PDE10A: variants seen among roughly 807,000 people sequenced by gnomAD.
PDE10A encodes phosphodiesterase 10A, also known as cAMP and cAMP-inhibited cGMP 3',5'-cyclic phosphodiesterase 10A.
PDE10A carries 39 observed loss-of-function variants against 97.7 expected under a neutral mutation model. The observed-to-expected ratio is 0.40, with a 90% CI of 0.31 to 0.52. The LOEUF is 0.52. Ranked by LOEUF, PDE10A falls within the 20% of genes least tolerant of loss-of-function variation. The pLI is 0.56. For synonymous variants in PDE10A, 371 were observed against 376.8 expected, an observed-to-expected ratio of 0.98 and a Z score of 0.18; for missense variants, 731 against 1,047.8, an observed-to-expected ratio of 0.70 and a Z score of 4.17.
At chr6:165,900,720 C>T (rs756005149) in intron 1 of PDE10A, among the ~76,000 whole-genome samples, 11 of 152,178 alleles carry the variant, frequency 7.2e-5, no homozygotes, top group African/African-American at 2.2e-4. Flanking sequence ...AAATCAGAGA[C>T]AAAGTTTACT....
chr6:165,738,328 C>A (rs867336309), intron 1 of PDE10A, among the ~76,000 whole-genome samples: 5 of 151,918 alleles, frequency 3.3e-5, no homozygotes, highest in Non-Finnish European at 7.4e-5. Flanking sequence ...CACGTCCCTA[C>A]AAAGGACATG....
intron 1 of PDE10A, among the ~76,000 whole-genome samples, chr6:165,878,193 C>G (rs922277421): frequency 1.3e-5 from 2 of 152,166 alleles, no homozygotes; most frequent in African/African-American, 4.8e-5. Context: ...GATTGGAAAC[C>G]AAACCATAGA....
At position 165,435,361 on chromosome 6, in the gene PDE10A, G is replaced by C; in HGVS notation, c.1211C>G (p.Thr404Arg). Residue 404 changes from threonine to arginine, a missense_variant, in exon 6 of 22, where the codon ACG (threonine) becomes AGG (arginine). Thr to Arg is a moderately conservative substitution (Grantham distance 71, BLOSUM62 -1). Around this residue, in one of 8 missense-constraint regions of PDE10A, gnomAD observed 152 missense variants for 199.3 expected, o/e 0.76. Coordinates refer to ENST00000539869, the MANE Select transcript of PDE10A (RefSeq NM_001385079.1). ...GECNNSLCIFTPPGIKEGKPR... is the reference protein window; with the variant it reads ...GECNNSLCIFRPPGIKEGKPR... ...TTTTCCTTCCTTTATCCCAGGTGGC[G>C]TGAATATACACAGGCTCTAGGGAGA... The C allele has an allele frequency of 6.2e-7, 1 of 1,613,946 alleles. No individual in the cohort carries two copies. Among genetic ancestry groups the C allele is most frequent in the Admixed American group, 1.7e-5 (1 of 59,994 alleles).
intron 2 of PDE10A, among the ~76,000 whole-genome samples, chr6:165,537,441 A>G (rs1783157132): frequency 6.6e-6 from 1 of 152,050 alleles, no homozygotes; most frequent in Admixed American, 6.6e-5. Flanking sequence ...GAAATGATAA[A>G]TGTTCGCAGT....
Position 165,758,531 on chromosome 6 carries a change from GAGGAAGAGGAAGAGGAAGAA to G in PDE10A, c.-614-214983_-614-214964del, listed in dbSNP as rs1403002184. 2.8e-4 allele frequency among the ~76,000 whole-genome samples: 42 copies of G among 150,012 alleles called. 2 individuals carry two copies. The South Asian group carries it at 7.0e-3, about 25-fold the overall frequency. ...GAAGAAAGAAGAAGAAGAAGAAGAAGAGGAAGAGGAAGAGGAAGAAGAAGAGGAAGAGGAAGAAGAAGAGG... is the reference window on the plus strand; with the variant it reads ...GAAGAAAGAAGAAGAAGAAGAAGAAGGAAGAGGAAGAGGAAGAAGAAGAGG... On this transcript the variant is annotated intron_variant, in intron 1 of 19. Coordinates refer to the PDE10A transcript ENST00000366882.
At chr6:165,938,194 C>T (rs1466619516) in intron 1 of PDE10A, among the ~76,000 whole-genome samples, 1 of 152,222 alleles carries the variant, frequency 6.6e-6, no homozygotes, top group Admixed American at 6.5e-5. Flanking sequence ...CAAGGTAAAA[C>T]AACCTTGTGA....
At chr6:165,941,443 C>CT (rs1460590163) in intron 1 of PDE10A, among the ~76,000 whole-genome samples, 1 of 152,142 alleles carries the variant, frequency 6.6e-6, no homozygotes, top group Admixed American at 6.5e-5. Context: ...GCCTCTTGGC[C>CT]TTCCCACAGA....
intron 1 of PDE10A, among the ~76,000 whole-genome samples, chr6:165,620,544 A>G (rs1788076664): frequency 6.6e-6 from 1 of 151,998 alleles, no homozygotes; most frequent in South Asian, 2.1e-4. Context: ...GAGCCACTGA[A>G]GGCTAAGGGA....
At chr6:165,698,777 G>T (rs1416674546) in intron 1 of PDE10A, among the ~76,000 whole-genome samples, 1 of 152,128 alleles carries the variant, frequency 6.6e-6, no homozygotes, top group East Asian at 1.9e-4. Flanking sequence ...GGAGGTGGAG[G>T]TTGCAGTGAG....
chr6:165,926,788 T>C (rs1782947581), intron 1 of PDE10A, among the ~76,000 whole-genome samples: 1 of 152,250 alleles, frequency 6.6e-6, no homozygotes, highest in Non-Finnish European at 1.5e-5. Context: ...GCCTCAGAGC[T>C]ACTGAAGGTA....
rs77308451 is a variant in PDE10A at position 165,783,539 on chromosome 6, G to C, written c.-615+203990C>G. ...TGATGATTCTGTTTTTATTAAAGTA[G>C]TGGTGGACATTGTTCACAGAAGAGA... On this transcript the variant is annotated intron_variant, in intron 1 of 19. Transcript: ENST00000366882. Among the ~76,000 whole-genome samples, 74 of 152,186 alleles carry C rather than the reference G, an allele frequency of 4.9e-4. 1 individual carries two copies. In the East Asian group the frequency reaches 0.012, roughly 25 times the overall value.
rs574609770 is a variant in PDE10A at position 165,862,383 on chromosome 6, G to A, written c.-615+125146C>T. The stretch of plus-strand genomic sequence containing the variant: ...TAGGATGCTTTGCAAACTTAGTGTG[G>A]ACAATTCTTATGTGAAATGCAGCAC... On this transcript the variant is annotated intron_variant, in intron 1 of 19. Transcript: ENST00000366882. Among the ~76,000 whole-genome samples the A allele has an allele frequency of 1.9e-3, 293 of 152,272 alleles. 1 individual carries two copies. Among genetic ancestry groups the A allele is most frequent in the African/African-American group, 6.8e-3 (283 of 41,548 alleles).
At chr6:165,378,745 A>G (rs1784764378) in intron 18 of PDE10A, among the ~76,000 whole-genome samples, 7 of 152,178 alleles carry the variant, frequency 4.6e-5, no homozygotes, top group Admixed American at 4.6e-4. Context: ...ACTGCCTAAT[A>G]CAATTACAGA....
At chr6:165,539,179 G>A in intron 2 of PDE10A, among the ~76,000 whole-genome samples, 1 of 152,104 alleles carries the variant, frequency 6.6e-6, no homozygotes, top group East Asian at 1.9e-4. Flanking sequence ...TGAAAAAATG[G>A]TGGTTTGGAA....
rs1788750663 is a variant in PDE10A at position 165,633,886 on chromosome 6, T to C, written c.865+28061A>G. Among the ~76,000 whole-genome samples the C allele has an allele frequency of 1.3e-5, 2 of 152,100 alleles. 1 individual carries two copies. Among genetic ancestry groups the C allele is most frequent in the African/African-American group, 4.8e-5 (2 of 41,422 alleles). On this transcript the variant is annotated intron_variant, in intron 1 of 21. Coordinates refer to ENST00000539869, the MANE Select transcript of PDE10A (RefSeq NM_001385079.1). ...TAATTTTATTTTTAAAAAATTCCTA[T>C]TTTTCCATAATAGATATTTTTGAAG...
At chr6:165,492,108 G>A (rs556029872) in intron 2 of PDE10A, among the ~76,000 whole-genome samples, 2 of 152,274 alleles carry the variant, frequency 1.3e-5, no homozygotes, top group South Asian at 4.1e-4. Context: ...GGGAAATCTA[G>A]AGGAGATGGA....
chr6:165,619,451 AG>A lies in PDE10A; in HGVS notation c.865+42495del, dbSNP rs1787974044. Among the ~76,000 whole-genome samples, 2 of 27,894 alleles carry A rather than the reference AG, an allele frequency of 7.2e-5. 1 individual carries two copies. Among genetic ancestry groups the A allele is most frequent in the African/African-American group, 3.8e-4 (2 of 5,208 alleles). The allele number at this position is 27,894 out of a possible 152,430, so 18.3% of individuals were successfully genotyped here. ...AGTATAGTGTAGTGTAGTATAGTCT[AG>A]TGTAGTGTAGTCTAGTGTAGTGTAG... On this transcript the variant is annotated intron_variant, in intron 1 of 21. Transcript: ENST00000539869.
chr6:165,470,879 C>G lies in PDE10A; in HGVS notation c.1023+11436G>C, dbSNP rs569893976. On this transcript the variant is annotated intron_variant, in intron 3 of 21. Transcript: ENST00000539869. ...TCACTTCCACAAATATATAAACATG[C>G]TGTCATTTATCCCATATTTTAAGAG... Among the ~76,000 whole-genome samples the G allele has an allele frequency of 8.5e-5, 13 of 152,280 alleles. No homozygotes were observed. In the East Asian group the frequency reaches 2.5e-3, roughly 29 times the overall value.
intron 10 of PDE10A, 119 bp downstream of exon 10, chr6:165,428,536 GCCA>G (rs754118243): frequency 3.2e-5 from 19 of 600,654 alleles, no homozygotes; most frequent in Middle Eastern, 5.8e-4. Context: ...GAATTCCTAA[GCCA>G]CCACATTTTC....
Sources: allele counts gnomAD v4.1 joint callset (sites outside exome capture counted in the v4.1 genomes callset), GRCh38; gene constraint gnomAD v4.1.1; regional missense constraint gnomAD v4.1.1; transcripts MANE v1.5; gene names NCBI Gene and HGNC (gene_info 2026-07-23, HGNC 2026-07-21).